Variants in SORCS2 observed in about 807,000 individuals in gnomAD.
SORCS2 encodes the protein sortilin related VPS10 domain containing receptor 2.
SORCS2 carries 100 observed loss-of-function variants against 141.6 expected under a neutral mutation model. The observed-to-expected ratio is 0.71, with a 90% CI of 0.60 to 0.83. The LOEUF (loss-of-function observed/expected upper bound fraction) is 0.83, where lower values mean the gene tolerates loss of function less well. SORCS2 is among the 40% of genes least tolerant of loss of function. The pLI, the probability that SORCS2 is intolerant of heterozygous loss-of-function variation, is 0.00. For synonymous variants in SORCS2, 789 were observed against 676.9 expected, an observed-to-expected ratio of 1.17 and a Z score of -2.57; for missense variants, 1,646 against 1,560.2, an observed-to-expected ratio of 1.05 and a Z score of -0.93.
intron 3 of SORCS2, among the ~76,000 whole-genome samples, chr4:7,583,063 G>A (rs545298868): frequency 1.3e-3 from 199 of 152,284 alleles, no homozygotes; most frequent in Non-Finnish European, 1.1e-3. Context: ...TGGCAAACGG[G>A]CTGAAACCCA....
intron 2 of SORCS2, among the ~76,000 whole-genome samples, chr4:7,444,757 G>T (rs1727885513): frequency 6.6e-6 from 1 of 152,346 alleles, no homozygotes; most frequent in South Asian, 2.1e-4. Flanking sequence ...GACTGTGGTG[G>T]TCTAGAGGAG....
intron 1 of SORCS2, among the ~76,000 whole-genome samples, chr4:7,262,371 CATCT>C (rs1419500784): frequency 2.2e-3 from 299 of 135,922 alleles, no homozygotes; most frequent in Non-Finnish European, 3.9e-3. Context: ...CCCACCTATC[CATCT>C]ATCCATCCAT....
chr4:7,228,937 G>C (rs1200814262), intron 1 of SORCS2, among the ~76,000 whole-genome samples: 1 of 152,228 alleles, frequency 6.6e-6, no homozygotes, highest in Admixed American at 6.5e-5. Context: ...CCAGTCCAGG[G>C]CTGGAAGGGC....
chr4:7,654,214 G>A lies in SORCS2; in HGVS notation c.887+7G>A, dbSNP rs1293980222. 1.3e-6 allele frequency: 2 copies of A among 1,569,502 alleles called. No homozygotes were observed. The highest frequency in any genetic ancestry group is 1.7e-6 in the Non-Finnish European group (2 of 1,155,778). On this transcript the variant is annotated splice_region_variant and intron_variant, in intron 5 of 26. Coordinates refer to ENST00000507866, the MANE Select transcript of SORCS2 (RefSeq NM_020777.3). ...CCAAAGACCACGTGTTCTGGTGAGA[G>A]CACTTCCCCACCCCAAACCCATGGG... is the stretch of plus-strand genomic sequence containing the variant.
At chr4:7,339,866 A>G (rs1019229207) in intron 1 of SORCS2, among the ~76,000 whole-genome samples, 7 of 152,220 alleles carry the variant, frequency 4.6e-5, no homozygotes, top group African/African-American at 1.7e-4. Flanking sequence ...GAGGGTCTCC[A>G]GGAAGATGTC....
At chr4:7,373,022 T>TTTTC (rs1553850390) in intron 1 of SORCS2, among the ~76,000 whole-genome samples, 1 of 150,914 alleles carries the variant, frequency 6.6e-6, no homozygotes, top group African/African-American at 2.4e-5. Flanking sequence ...TTTTTTTTTT[T>TTTTC]CCCCTATCAT....
chr4:7,724,992 GGTAGTA>G (rs201132772), intron 19 of SORCS2, among the ~76,000 whole-genome samples, 156 bp from the exon 20 acceptor site: 37 of 147,182 alleles, frequency 2.5e-4, no homozygotes, highest in African/African-American at 9.0e-4. Flanking sequence ...AATGGATGGT[GGTAGTA>G]GTGGTGATGG....
intron 3 of SORCS2, among the ~76,000 whole-genome samples, chr4:7,534,401 G>A (rs935063675): frequency 6.6e-6 from 1 of 152,232 alleles, no homozygotes; most frequent in African/African-American, 2.4e-5. Flanking sequence ...CTTGACAGGT[G>A]AGTGCCTGGC....
chr4:7,641,281 A>G (rs955800506), intron 4 of SORCS2, among the ~76,000 whole-genome samples: 10 of 152,200 alleles, frequency 6.6e-5, no homozygotes, highest in African/African-American at 1.4e-4. Context: ...GCCTCAGGAA[A>G]CTTACAGTCA....
chr4:7,553,746 G>C (rs1422971609), intron 3 of SORCS2, among the ~76,000 whole-genome samples: 2 of 152,176 alleles, frequency 1.3e-5, no homozygotes, highest in African/African-American at 4.8e-5. Context: ...CATGTTTCTG[G>C]AAAAGAAAAG....
intron 1 of SORCS2, among the ~76,000 whole-genome samples, chr4:7,283,264 C>G (rs568516580): frequency 6.6e-6 from 1 of 152,150 alleles, no homozygotes; most frequent in Non-Finnish European, 1.5e-5. Context: ...GGAGGAAGTT[C>G]GAGGACAGTT....
intron 1 of SORCS2, among the ~76,000 whole-genome samples, chr4:7,239,735 A>G (rs1461900314): frequency 1.3e-5 from 2 of 152,254 alleles, no homozygotes; most frequent in Non-Finnish European, 2.9e-5. Context: ...CTGGCCGAAA[A>G]GTTCTGAAAA....
At chr4:7,645,297 C>G (rs1043721906) in intron 4 of SORCS2, among the ~76,000 whole-genome samples, 1 of 152,182 alleles carries the variant, frequency 6.6e-6, no homozygotes. Context: ...GGTGACTCCT[C>G]AGCCCCTGGT....
chr4:7,435,545 G>A lies in SORCS2; in HGVS notation c.548+39190G>A, dbSNP rs117004924. 2.0e-3 allele frequency among the ~76,000 whole-genome samples: 303 copies of A among 152,332 alleles called. 3 individuals carry two copies. The highest frequency in any genetic ancestry group is 6.6e-3 in the East Asian group (34 of 5,188). ...TGGACCTCACTGCCACACCGCAAAA[G>A]CCACTTGCAAACTCAGGTCCTCGAG... On this transcript the variant is annotated intron_variant, in intron 2 of 26. Coordinates refer to ENST00000507866, the MANE Select transcript of SORCS2 (RefSeq NM_020777.3).
chr4:7,638,676 A>G (rs568187072), intron 4 of SORCS2, among the ~76,000 whole-genome samples, 184 bp downstream of exon 4: 1 of 151,940 alleles, frequency 6.6e-6, no homozygotes, highest in Non-Finnish European at 1.5e-5. Context: ...TGCCCCCTCA[A>G]GGGACCGTGC....
rs1716210618 is a variant in SORCS2 at position 7,286,188 on chromosome 4, GT to G, written c.480+93063del. ...CAGCTGGGTCTCCAGGCCTGTGCCG[GT>G]CCTCACTGCACGACTCGGACCCTGA... On this transcript the variant is annotated intron_variant, in intron 1 of 26. Coordinates refer to ENST00000507866, the MANE Select transcript of SORCS2 (RefSeq NM_020777.3). The surrounding 1 kb of genome is among the most constrained non-coding windows in gnomAD (Gnocchi z 4.1). 6.6e-6 allele frequency among the ~76,000 whole-genome samples: 1 copy of G among 152,198 alleles called. No homozygotes were observed. Among genetic ancestry groups the G allele is most frequent in the African/African-American group, 2.4e-5 (1 of 41,452 alleles).
At position 7,682,847 on chromosome 4, in the gene SORCS2, A is replaced by G; in HGVS notation, c.1446A>G (p.Pro482=). Residue 482 remains proline, a synonymous_variant, in exon 10 of 27, where the codon CCA becomes CCG. Coordinates refer to ENST00000507866, the MANE Select transcript of SORCS2 (RefSeq NM_020777.3). ...NKGRDWDYLR[P]PSMDMNGKPT... Reference sequence around the variant, plus strand: ...GCCGCGACTGGGATTACCTGAGGCCACCCAGCATGGACATGAATGGAAAAC... The same window carrying G: ...GCCGCGACTGGGATTACCTGAGGCCGCCCAGCATGGACATGAATGGAAAAC... 4 of 1,613,416 alleles carry G rather than the reference A, an allele frequency of 2.5e-6. No individual in the cohort carries two copies. Among genetic ancestry groups the G allele is most frequent in the African/African-American group, 1.3e-5 (1 of 75,046 alleles).
chr4:7,393,811 C>T (rs940556965), intron 1 of SORCS2, among the ~76,000 whole-genome samples: 11 of 152,276 alleles, frequency 7.2e-5, no homozygotes, highest in South Asian at 2.1e-4. Context: ...AATATTTAAT[C>T]GTCACCGTGG....
At chr4:7,532,424 G>C (rs1403327167) in intron 3 of SORCS2, among the ~76,000 whole-genome samples, 1 of 152,236 alleles carries the variant, frequency 6.6e-6, no homozygotes, top group Non-Finnish European at 1.5e-5. Flanking sequence ...CAGAGCCCCT[G>C]CATGATGCTC....
Sources: gnomAD v4.1 joint callset for allele counts (sites outside exome capture counted in the v4.1 genomes callset) on GRCh38, gnomAD v4.1.1 for gene constraint, Gnocchi (gnomAD v3.1) non-coding constraint, MANE v1.5 for transcripts, NCBI Gene and HGNC (gene_info 2026-07-23, HGNC 2026-07-21) for gene names.